NELFA: variants seen among roughly 807,000 people sequenced by gnomAD.
NELFA encodes negative elongation factor A.
Under a neutral mutation model 51.8 loss-of-function variants are expected in NELFA, and 35 were observed. The observed-to-expected ratio is 0.68, with a 90% CI of 0.52 to 0.90. The LOEUF is 0.90. NELFA is among the 40% of genes least tolerant of loss of function. The pLI is 0.00. For synonymous variants in NELFA, 417 were observed against 338.4 expected (o/e 1.23, Z -2.55); for missense variants, 658 against 746.4 (o/e 0.88, Z 1.38).
Position 1,986,439 on chromosome 4 carries a change from G to A in NELFA, c.635-37C>T, listed in dbSNP as rs748834676. 4.4e-6 allele frequency: 7 copies of A among 1,608,082 alleles called. No homozygotes were observed. The South Asian group carries it at 6.6e-5, about 15-fold the overall frequency. ...CAACAGTCAGGGCGCCAGCAGCAGT[G>A]ACCGGCAAACGTCCCCCACCCCGAG... On this transcript the variant is annotated intron_variant, in intron 4 of 10. Transcript: ENST00000382882.
At position 1,983,918 on chromosome 4, in the gene NELFA, G is replaced by A. The variant is rs752179327; in HGVS notation, c.1232C>T (p.Pro411Leu). The change falls in exon 9 of 11, where the codon CCG becomes CTG. Residue 411 changes from proline to leucine, a missense_variant. Physicochemically the swap from Pro to Leu is moderately conservative, Grantham distance 98 (BLOSUM62 -3). Coordinates refer to ENST00000382882, the MANE Select transcript of NELFA (RefSeq NM_005663.5). Reference protein sequence around the residue: ...PAVAPTTQTPPVAMVAPQTQA... With the variant: ...PAVAPTTQTPLVAMVAPQTQA... ...GGTCTGCGGGGCCACCATGGCAACC[G>A]GGGGTGTCTGAGTGGTAGGGGCGAC... is the stretch of plus-strand genomic sequence containing the variant. 26 of 1,607,178 alleles carry A rather than the reference G, an allele frequency of 1.6e-5. No individual in the cohort carries two copies. The highest frequency in any genetic ancestry group is 4.5e-5 in the East Asian group (2 of 44,836).
intron 2 of NELFA, among the ~76,000 whole-genome samples, chr4:1,991,268 C>T (rs1014709160): frequency 7.9e-5 from 12 of 152,136 alleles, no homozygotes; most frequent in African/African-American, 2.4e-4. Context: ...CTCACGGAGC[C>T]GACCAGAGAG....
In NELFA at chr4:1,994,076, G is replaced by A. The variant is rs574857541; in HGVS notation, c.211-2361C>T. ...ATTAAAATGTCTCTTCCTCTTCCCT[G>A]GTATAAAGAACTGCTGTTTACTAAG... On this transcript the variant is annotated intron_variant, in intron 1 of 10. Transcript: ENST00000382882. Among the ~76,000 whole-genome samples, 11 of 152,272 alleles carry A rather than the reference G, an allele frequency of 7.2e-5. No individual in the cohort carries two copies. In the East Asian group the frequency reaches 2.1e-3, roughly 29 times the overall value.
At position 1,996,395 on chromosome 4, in the gene NELFA, A is replaced by T. The variant is rs547798257; in HGVS notation, c.211-4680T>A. Among the ~76,000 whole-genome samples the T allele has an allele frequency of 5.3e-5, 8 of 152,356 alleles. No individual in the cohort carries two copies. In the South Asian group the frequency reaches 1.7e-3, roughly 32 times the overall value. On this transcript the variant is annotated intron_variant, in intron 1 of 10. Coordinates refer to ENST00000382882, the MANE Select transcript of NELFA (RefSeq NM_005663.5). The stretch of plus-strand genomic sequence containing the variant: ...ACTGTAATTAGAAGAGAATTTATGG[A>T]CATACGCACATACACACACGAAAAG...
At position 2,006,103 on chromosome 4, in the gene NELFA, G is replaced by A. The variant is rs1018747523; in HGVS notation, c.210+2647C>T. Among the ~76,000 whole-genome samples, 19 of 152,336 alleles carry A rather than the reference G, an allele frequency of 1.2e-4. No individual in the cohort carries two copies. The South Asian group carries it at 2.9e-3, about 23-fold the overall frequency. On this transcript the variant is annotated intron_variant, in intron 1 of 10. Transcript: ENST00000382882. Reference sequence around the variant, plus strand: ...TCCGCTAACAAGGCTTATAAATAAAGTGACAAGAACCGACTTAGTGGGTTA... The same window carrying A: ...TCCGCTAACAAGGCTTATAAATAAAATGACAAGAACCGACTTAGTGGGTTA...
rs1202668756 is a variant in NELFA at position 2,008,936 on chromosome 4, G to A, written c.24C>T (p.Asp8=). ...GCTTGTTGTGCAGCCACAGGCCCGT[G>A]TCGCTCTCCCGCATGGACGCCATCT... MASMRES[D]TGLWLHNKLG... Residue 8 remains aspartate (D), a synonymous_variant, in exon 1 of 11, where the codon GAC becomes GAT. Transcript: ENST00000382882. 1.4e-5 allele frequency: 22 copies of A among 1,567,310 alleles called. No individual in the cohort carries two copies. The highest frequency in any genetic ancestry group is 1.3e-4 in the Admixed American group (7 of 51,988).
intron 1 of NELFA, among the ~76,000 whole-genome samples, chr4:1,995,045 C>T (rs1230901240): frequency 2.0e-5 from 3 of 152,200 alleles, no homozygotes; most frequent in East Asian, 1.9e-4. Context: ...GATGTTTCTA[C>T]ATAAGACTAA....
At chr4:2,004,721 C>T (rs1301181886) in intron 1 of NELFA, among the ~76,000 whole-genome samples, 1 of 149,670 alleles carries the variant, frequency 6.7e-6, no homozygotes, top group Non-Finnish European at 1.5e-5. Context: ...TGCCTGGGTT[C>T]AAGCAATCCG....
chr4:2,008,390 C>T (rs1160543671), intron 1 of NELFA, among the ~76,000 whole-genome samples: 1 of 150,450 alleles, frequency 6.6e-6, no homozygotes, highest in Non-Finnish European at 1.5e-5. Flanking sequence ...GATTGAGGAT[C>T]CCAGGGGAGG....
intron 1 of NELFA, among the ~76,000 whole-genome samples, chr4:1,993,445 A>G (rs1229106657): frequency 6.6e-6 from 1 of 152,004 alleles, no homozygotes; most frequent in Non-Finnish European, 1.5e-5. Context: ...CGGGCGTGGT[A>G]GCGCATTCCT....
intron 1 of NELFA, among the ~76,000 whole-genome samples, chr4:1,996,287 G>C (rs934781029): frequency 6.6e-6 from 1 of 152,096 alleles, no homozygotes; most frequent in Admixed American, 6.5e-5. Context: ...ATTACACAGG[G>C]ATCAGTGAAG....
Position 1,983,576 on chromosome 4 carries a change from G to A in NELFA, c.1402+20C>T. On this transcript the variant is annotated intron_variant, in intron 10 of 10. Coordinates refer to ENST00000382882, the MANE Select transcript of NELFA (RefSeq NM_005663.5). ...CCAACCCGGCCCGGTGCACCCCCAG[G>A]CCCTGCCTTATGAACATACCTCGGG... The A allele has an allele frequency of 6.2e-7, 1 of 1,613,550 alleles. No individual in the cohort carries two copies. The highest frequency in any genetic ancestry group is 8.5e-7 in the Non-Finnish European group (1 of 1,179,722).
chr4:2,008,629 A>G, intron 1 of NELFA, 121 bp downstream of exon 1: 1 of 1,077,606 alleles, frequency 9.3e-7, no homozygotes, highest in Admixed American at 2.8e-5. Context: ...GGGGGGGTTA[A>G]CAGTCTGAAG....
At position 2,001,168 on chromosome 4, in the gene NELFA, C is replaced by G. The variant is rs376564499; in HGVS notation, c.210+7582G>C. On this transcript the variant is annotated intron_variant, in intron 1 of 10. Coordinates refer to ENST00000382882, the MANE Select transcript of NELFA (RefSeq NM_005663.5). ...TCAAAATATTAAGAGTTATTTAAGACAAACCCACAGCGAATACCATATTGA... is the reference window on the plus strand; with the variant it reads ...TCAAAATATTAAGAGTTATTTAAGAGAAACCCACAGCGAATACCATATTGA... Among the ~76,000 whole-genome samples the G allele has an allele frequency of 1.2e-4, 18 of 152,296 alleles. No individual in the cohort carries two copies. In the East Asian group the frequency reaches 2.5e-3, roughly 21 times the overall value.
At chr4:2,006,045 C>G (rs1175382210) in intron 1 of NELFA, among the ~76,000 whole-genome samples, 1 of 152,034 alleles carries the variant, frequency 6.6e-6, no homozygotes, top group African/African-American at 2.4e-5. Flanking sequence ...ATAGATGATC[C>G]CGGAGAAAGA....
In NELFA at chr4:2,008,730, G is replaced by A. The variant is rs768291952; in HGVS notation, c.210+20C>T. On this transcript the variant is annotated intron_variant, in intron 1 of 10. Transcript: ENST00000382882. ...GAAGGTTGGGAATCTGGGGGCCGCG[G>A]GGCGCCACGCCTGCCTTACCTCGTC... 15 of 1,589,188 alleles carry A rather than the reference G, an allele frequency of 9.4e-6. 1 individual carries two copies. In the South Asian group the frequency reaches 1.7e-4, roughly 18 times the overall value.
intron 1 of NELFA, 180 bp from the exon 2 acceptor site, chr4:1,991,895 T>A: frequency 1.6e-6 from 1 of 613,292 alleles, no homozygotes; most frequent in Non-Finnish European, 2.8e-6. Context: ...CCACCTTGCT[T>A]CCCTGAGCAG....
chr4:1,995,689 A>C (rs13105428), intron 1 of NELFA, among the ~76,000 whole-genome samples: 3 of 152,168 alleles, frequency 2.0e-5, no homozygotes, highest in Non-Finnish European at 4.4e-5. Context: ...TTTTAAGAAC[A>C]AAACATTACT....
intron 1 of NELFA, 45 bp downstream of exon 1, chr4:2,008,705 G>T (rs201399629): frequency 4.3e-5 from 67 of 1,565,250 alleles, no homozygotes; most frequent in Non-Finnish European, 5.6e-5. Context: ...TCGGAGGTGG[G>T]AAGGTTGGGA....
Sources: allele counts gnomAD v4.1 joint callset (sites outside exome capture counted in the v4.1 genomes callset), GRCh38; gene constraint gnomAD v4.1.1; transcripts MANE v1.5; gene names NCBI Gene and HGNC (gene_info 2026-07-23, HGNC 2026-07-21).